HOATZ: variants seen among roughly 807,000 people sequenced by gnomAD.
HOATZ encodes cilia- and flagella-associated protein HOATZ.
In HOATZ, 26 loss-of-function variants were observed where a neutral mutation model predicts 24.9. That is an observed-to-expected ratio of 1.04 (90% confidence interval 0.76 to 1.45). The LOEUF is 1.45. HOATZ is among the 40% of genes most tolerant of loss of function. The probability of loss-of-function intolerance (pLI) is 0.00; values close to 1 mark genes in which losing one functional copy is unlikely to be tolerated. For missense variants in HOATZ, 226 were observed against 201.5 expected (o/e 1.12, Z -0.74); for synonymous variants, 83 against 76.6 (o/e 1.08, Z -0.43).
In HOATZ at chr11:111,518,871, G is replaced by T. The variant is rs1867236418; in HGVS notation, c.339+2761G>T. 1.1e-5 allele frequency: 3 copies of T among 278,742 alleles called. No individual in the cohort carries two copies. The Admixed American group carries it at 1.1e-4, about 10-fold the overall frequency. The allele number at this position is 278,742 out of a possible 1,614,324, so 17.3% of individuals were successfully genotyped here. ...CCAGCTTCTGTGAAGCCTTCTCAGG[G>T]GTTACCCAGAGACTAGCAGAATGAA... is the stretch of plus-strand genomic sequence containing the variant. On this transcript the variant is annotated intron_variant, in intron 3 of 5. Transcript: ENST00000375618.
At chr11:111,518,413 T>C (rs1007520895) in intron 3 of HOATZ, among the ~76,000 whole-genome samples, 2 of 152,222 alleles carry the variant, frequency 1.3e-5, no homozygotes, top group South Asian at 2.1e-4. Context: ...TAATTTAGTG[T>C]TCATAACAAC....
intron 3 of HOATZ, among the ~76,000 whole-genome samples, chr11:111,516,696 AG>A (rs1221809961): frequency 6.6e-6 from 1 of 152,210 alleles, no homozygotes; most frequent in Non-Finnish European, 1.5e-5. Context: ...CAGCCTGGGC[AG>A]CAGAGTGAGA....
At chr11:111,515,835 T>TAGAGGTTCC (rs1356181332) in intron 2 of HOATZ, among the ~76,000 whole-genome samples, 11 of 152,242 alleles carry the variant, frequency 7.2e-5, no homozygotes, top group Non-Finnish European at 1.6e-4. Context: ...CTAAAGAGAT[T>TAGAGGTTCC]AGAGGTTCCC....
At chr11:111,515,741 A>G (rs2135771246) in intron 2 of HOATZ, among the ~76,000 whole-genome samples, 189 bp downstream of exon 2, 1 of 152,362 alleles carries the variant, frequency 6.6e-6, no homozygotes, top group East Asian at 1.9e-4. Flanking sequence ...TTGAACAGGA[A>G]TGTAGAAATT....
intron 5 of HOATZ, chr11:111,535,665 CT>C (rs796197531): frequency 0.017 from 2,445 of 147,652 alleles, 64 homozygotes; most frequent in African/African-American, 0.056. Context: ...AGCTACTCTT[CT>C]TTTTTTTTTT....
At chr11:111,515,439 TA>T in intron 1 of HOATZ, 71 bp from the exon 2 acceptor site, 1 of 1,236,962 alleles carries the variant, frequency 8.1e-7, no homozygotes, top group Non-Finnish European at 1.2e-6. Flanking sequence ...TGTTATAGTA[TA>T]AAAAATTCAA....
intron 2 of HOATZ, 54 bp downstream of exon 2, chr11:111,515,606 A>G (rs969537059): frequency 7.2e-7 from 1 of 1,398,508 alleles, no homozygotes. Context: ...TTCATCAGAA[A>G]ATAGACAATA....
chr11:111,522,241 G>T (rs1299517981), intron 3 of HOATZ, among the ~76,000 whole-genome samples: 1 of 152,090 alleles, frequency 6.6e-6, no homozygotes, highest in South Asian at 2.1e-4. Flanking sequence ...GATGCAAAAT[G>T]AAGCAAAAAA....
chr11:111,522,904 G>A (rs909119373), intron 3 of HOATZ, among the ~76,000 whole-genome samples: 1 of 152,134 alleles, frequency 6.6e-6, no homozygotes, highest in South Asian at 2.1e-4. Flanking sequence ...TGACCAACAT[G>A]GTGAAACCCC....
chr11:111,524,212 C>T (rs1265945956), intron 3 of HOATZ, among the ~76,000 whole-genome samples: 2 of 152,192 alleles, frequency 1.3e-5, no homozygotes, highest in Non-Finnish European at 2.9e-5. Context: ...GCCTCAGACT[C>T]ATAGGTGCTG....
At chr11:111,515,917 T>A in intron 2 of HOATZ, 123 bp from the exon 3 acceptor site, 1 of 630,306 alleles carries the variant, frequency 1.6e-6, no homozygotes, top group Non-Finnish European at 2.7e-6. Flanking sequence ...ATACACCACA[T>A]GTATTTTTGT....
At chr11:111,531,724 A>T (rs1202121013) in intron 3 of HOATZ, among the ~76,000 whole-genome samples, 1 of 152,240 alleles carries the variant, frequency 6.6e-6, no homozygotes, top group Non-Finnish European at 1.5e-5. Context: ...CAAAATAAAT[A>T]AAATTAAAAC....
chr11:111,523,448 G>A (rs147611507), intron 3 of HOATZ, among the ~76,000 whole-genome samples: 1 of 152,228 alleles, frequency 6.6e-6, no homozygotes, highest in Non-Finnish European at 1.5e-5. Flanking sequence ...TTGTTCTATT[G>A]ATGAAGCATT....
chr11:111,533,756 G>A lies in HOATZ; in HGVS notation c.350G>A (p.Arg117Lys). ...TCTTTCTTTAAACAGGCTAAAACAAGAGAAGAGATTCTCCAACTCTTAAGA... is the reference window on the plus strand; with the variant it reads ...TCTTTCTTTAAACAGGCTAAAACAAAAGAAGAGATTCTCCAACTCTTAAGA... ...KVKYLQKAKT[R>K]EEILQLLRKQ... is the part of the protein sequence containing the mutation. Residue 117 changes from arginine to lysine, a missense_variant, in exon 4 of 6, where the codon AGA (arginine) becomes AAA (lysine). Transcript: ENST00000375618. 6.3e-7 allele frequency: 1 copy of A among 1,585,470 alleles called. No individual in the cohort carries two copies. The highest frequency in any genetic ancestry group is 1.1e-5 in the South Asian group (1 of 87,410).
At position 111,516,098 on chromosome 11, in the gene HOATZ, G is replaced by T. The variant is rs182486763; in HGVS notation, c.327G>T (p.Lys109Asn). ...LKIQESEEKV[K>N]YLQKAKTREE... ...TACAGGAATCTGAGGAGAAAGTAAA[G>T]TATCTCCAAAAGGTAGGCCAATATT... Residue 109 changes from lysine to asparagine, a missense_variant, in exon 3 of 6, where the codon AAG becomes AAT. By Grantham distance (94) the Lys-to-Asn change is moderately conservative. Transcript: ENST00000375618. 3.0e-4 allele frequency: 476 copies of T among 1,590,854 alleles called. 3 individuals are homozygous for T. The East Asian group carries it at 7.0e-3, about 23-fold the overall frequency.
chr11:111,520,908 T>C (rs1304741079), intron 3 of HOATZ, among the ~76,000 whole-genome samples: 2 of 152,208 alleles, frequency 1.3e-5, no homozygotes, highest in Admixed American at 6.5e-5. Flanking sequence ...TATTAGTTAT[T>C]GTTAATCTCT....
Position 111,517,990 on chromosome 11 carries a change from C to T in HOATZ, c.339+1880C>T, listed in dbSNP as rs375666165. ...CTAACCTGTCTTCTCCTATCACTCT[C>T]CCCGCTTTCTCCTATGCTCTCTCCC... On this transcript the variant is annotated intron_variant, in intron 3 of 5. Coordinates refer to ENST00000375618, the MANE Select transcript of HOATZ (RefSeq NM_001100388.2). Among the ~76,000 whole-genome samples, 38 of 152,322 alleles carry T rather than the reference C, an allele frequency of 2.5e-4. No homozygotes were observed. The South Asian group carries it at 7.9e-3, about 32-fold the overall frequency.
At chr11:111,524,262 A>C (rs1373324540) in intron 3 of HOATZ, among the ~76,000 whole-genome samples, 1 of 152,236 alleles carries the variant, frequency 6.6e-6, no homozygotes, top group Non-Finnish European at 1.5e-5. Flanking sequence ...ATGTGGGAGC[A>C]ACAGAAAAGA....
chr11:111,515,666 C>T (rs1867185794), intron 2 of HOATZ, 114 bp downstream of exon 2: 5 of 876,820 alleles, frequency 5.7e-6, no homozygotes, highest in Non-Finnish European at 7.4e-6. Context: ...GAATTGAACA[C>T]CTAAGTCCCT....
Sources: allele counts gnomAD v4.1 joint callset (sites outside exome capture counted in the v4.1 genomes callset), GRCh38; gene constraint gnomAD v4.1.1; transcripts MANE v1.5; gene names NCBI Gene and HGNC (gene_info 2026-07-23, HGNC 2026-07-21).